KLF13: variants seen among roughly 807,000 people sequenced by gnomAD.
KLF13 encodes KLF transcription factor 13.
KLF13 carries 8 observed loss-of-function variants against 16.7 expected under a neutral mutation model. The ratio of observed to expected loss-of-function variants is 0.48; its 90% CI spans 0.28 to 0.87. The LOEUF (loss-of-function observed/expected upper bound fraction) is 0.87, where lower values mean the gene tolerates loss of function less well. Among genes scored for constraint, KLF13 ranks in the 40% least tolerant of loss-of-function variants. The pLI, the probability that KLF13 is intolerant of heterozygous loss-of-function variation, is 0.10. For missense variants in KLF13, 447 were observed against 452.2 expected, an observed-to-expected ratio of 0.99 and a Z score of 0.10; for synonymous variants, 245 against 208.4, an observed-to-expected ratio of 1.18 and a Z score of -1.51.
chr15:31,384,759 A>G (rs1250011154), intron 1 of KLF13, among the ~76,000 whole-genome samples: 1 of 152,150 alleles, frequency 6.6e-6, no homozygotes, highest in Non-Finnish European at 1.5e-5. Flanking sequence ...GTTGGTGCAA[A>G]GGGATGACAT....
intron 1 of KLF13, among the ~76,000 whole-genome samples, chr15:31,338,966 C>T (rs2038979111): frequency 6.6e-6 from 1 of 152,040 alleles, no homozygotes; most frequent in African/African-American, 2.4e-5. Flanking sequence ...GGTGAAGGCA[C>T]CCCTTCTTTG....
At chr15:31,366,756 T>TGTGTGCCCCCCTGTGCTCACC (rs1209752634) in intron 1 of KLF13, among the ~76,000 whole-genome samples, 1 of 152,152 alleles carries the variant, frequency 6.6e-6, no homozygotes, top group Non-Finnish European at 1.5e-5. Context: ...CTGTGCTCAC[T>TGTGTGCCCCCCTGTGCTCACC]GTACTCGGCT....
At chr15:31,415,201 A>T (rs1386144748) in intron 1 of KLF13, among the ~76,000 whole-genome samples, 2 of 152,186 alleles carry the variant, frequency 1.3e-5, no homozygotes, top group Non-Finnish European at 2.9e-5. Flanking sequence ...AGATGTTGGT[A>T]CCATGTTTCT....
intron 1 of KLF13, among the ~76,000 whole-genome samples, chr15:31,348,977 C>G (rs557082068): frequency 6.6e-6 from 1 of 152,242 alleles, no homozygotes; most frequent in South Asian, 2.1e-4. Context: ...AAGGAGGGCC[C>G]TACAGCCTCA....
intron 1 of KLF13, among the ~76,000 whole-genome samples, chr15:31,385,665 T>G (rs1446198949): frequency 6.6e-6 from 1 of 152,234 alleles, no homozygotes; most frequent in African/African-American, 2.4e-5. Flanking sequence ...CAAATTTAAT[T>G]GATAAATGTG....
chr15:31,407,370 T>C (rs1172377574), downstream of KLF13, among the ~76,000 whole-genome samples: 2 of 151,852 alleles, frequency 1.3e-5, no homozygotes, highest in African/African-American at 4.8e-5. Flanking sequence ...TGCCATGAAC[T>C]ACGAGAAAGA....
chr15:31,405,231 A>G (rs1595503196), downstream of KLF13, among the ~76,000 whole-genome samples: 1 of 152,142 alleles, frequency 6.6e-6, no homozygotes, highest in Admixed American at 6.5e-5. Context: ...GGAGAATTGC[A>G]TGAAGCCGGG....
intron 1 of KLF13, among the ~76,000 whole-genome samples, chr15:31,355,205 A>C (rs2039281936): frequency 6.6e-6 from 1 of 152,234 alleles, no homozygotes; most frequent in African/African-American, 2.4e-5. Context: ...GGAAGAGGCC[A>C]GGTGCTCAGT....
chr15:31,376,717 G>A lies in KLF13; in HGVS notation c.*4418G>A. On this transcript the variant is annotated 3_prime_UTR_variant, in exon 2 of 2. Coordinates refer to ENST00000307145, the MANE Select transcript of KLF13 (RefSeq NM_015995.4). ...GGCGAGGCGCCGCCTCCTGCCTGCT[G>A]TCCTGTCCCTCAGCATCAGAAGAGT... 6.6e-6 allele frequency: 1 copy of A among 152,628 alleles called. No individual in the cohort carries two copies. The highest frequency in any genetic ancestry group is 1.9e-4 in the East Asian group (1 of 5,170). 9.5% of individuals were successfully genotyped at this position (152,628 alleles called of 1,614,324 possible). A position where few individuals can be genotyped will look rare whatever the true frequency, so the allele number is the denominator to read the frequency against.
At chr15:31,424,739 C>T (rs564967798) in intron 1 of KLF13, among the ~76,000 whole-genome samples, 17 of 152,232 alleles carry the variant, frequency 1.1e-4, no homozygotes, top group South Asian at 6.2e-4. Flanking sequence ...ATTCTTGCCA[C>T]TTCTATTCAA....
At chr15:31,339,571 G>A (rs72722822) in intron 1 of KLF13, among the ~76,000 whole-genome samples, 103 of 152,322 alleles carry the variant, frequency 6.8e-4, no homozygotes, top group Non-Finnish European at 1.2e-3. Flanking sequence ...TTGGGGAGAT[G>A]CCTCTCCCCT....
intron 1 of KLF13, among the ~76,000 whole-genome samples, chr15:31,339,235 T>TG (rs1475294556): frequency 2.0e-5 from 3 of 152,140 alleles, no homozygotes; most frequent in African/African-American, 7.2e-5. Context: ...GTTTCTAGGA[T>TG]GGGTTTCTAT....
At chr15:31,435,272 G>A (rs1338685782) in intron 1 of KLF13, 4 of 152,232 alleles carry the variant, frequency 2.6e-5, no homozygotes, top group Admixed American at 1.3e-4. Flanking sequence ...TTGTGAGAAT[G>A]ACTAGGAGAA....
chr15:31,327,188 ACCG>A lies in KLF13; in HGVS notation c.-18_-16del. The A allele has an allele frequency of 1.6e-6, 2 of 1,257,120 alleles. No homozygotes were observed. The highest frequency in any genetic ancestry group is 2.0e-6 in the Non-Finnish European group (2 of 1,000,144). 77.9% of individuals were successfully genotyped at this position (1,257,120 alleles called of 1,614,324 possible). A position where few individuals can be genotyped will look rare whatever the true frequency, so the allele number is the denominator to read the frequency against. On this transcript the variant is annotated 5_prime_UTR_variant, in exon 1 of 2. Coordinates refer to ENST00000307145, the MANE Select transcript of KLF13 (RefSeq NM_015995.4). ...GCGGCTGACGACTCGCAGCAAGAGC[ACCG>A]CCGCCGGCCCCAGCCCGCAGCATGG...
chr15:31,336,339 T>A (rs1319789141), intron 1 of KLF13, among the ~76,000 whole-genome samples: 1 of 152,160 alleles, frequency 6.6e-6, no homozygotes, highest in Non-Finnish European at 1.5e-5. Flanking sequence ...GCCTTGTGCT[T>A]CCATATGTGG....
chr15:31,330,551 G>A (rs759661656), intron 1 of KLF13, among the ~76,000 whole-genome samples: 2 of 152,210 alleles, frequency 1.3e-5, no homozygotes, highest in Non-Finnish European at 2.9e-5. Context: ...CCTTTGAGAA[G>A]TGCAAGGGTC....
chr15:31,385,335 G>C (rs918091022), intron 1 of KLF13, among the ~76,000 whole-genome samples: 1 of 152,188 alleles, frequency 6.6e-6, no homozygotes, highest in Non-Finnish European at 1.5e-5. Flanking sequence ...TGACTGAGAG[G>C]GGCCCAAGGG....
chr15:31,353,111 G>T (rs568488080), intron 1 of KLF13, among the ~76,000 whole-genome samples: 2 of 152,108 alleles, frequency 1.3e-5, no homozygotes, highest in African/African-American at 4.8e-5. Flanking sequence ...TGGGCTCAAG[G>T]GTGGCTCCAC....
intron 1 of KLF13, among the ~76,000 whole-genome samples, chr15:31,337,372 T>C (rs1304112444): frequency 6.6e-6 from 1 of 152,212 alleles, no homozygotes; most frequent in Non-Finnish European, 1.5e-5. Flanking sequence ...CCACAGGGGC[T>C]CTGGCCCCTT....
Sources: allele counts gnomAD v4.1 joint callset (sites outside exome capture counted in the v4.1 genomes callset), GRCh38; gene constraint gnomAD v4.1.1; transcripts MANE v1.5; gene names NCBI Gene and HGNC (gene_info 2026-07-23, HGNC 2026-07-21).